The following LRMDA variants were observed in gnomAD, a reference collection of about 807,000 sequenced individuals.
LRMDA encodes leucine-rich melanocyte differentiation-associated protein.
In LRMDA, 18 loss-of-function variants were observed where a neutral mutation model predicts 29.8. That is an observed-to-expected ratio of 0.60 (90% CI 0.42 to 0.90). The LOEUF is 0.90. Among genes scored for constraint, LRMDA ranks in the 40% least tolerant of loss-of-function variants. LRMDA has a pLI of 0.00. For synonymous variants in LRMDA, 125 were observed against 109.4 expected, an observed-to-expected ratio of 1.14 and a Z score of -0.89; for missense variants, 273 against 273.9, an observed-to-expected ratio of 1.00 and a Z score of 0.02.
intron 2 of LRMDA, among the ~76,000 whole-genome samples, chr10:75,659,504 A>G (rs1169129965): frequency 6.6e-6 from 1 of 152,208 alleles, no homozygotes; most frequent in East Asian, 1.9e-4. Flanking sequence ...GACAACACAG[A>G]TGAACCTGGA....
chr10:75,531,069 C>G (rs1458400462), intron 2 of LRMDA, among the ~76,000 whole-genome samples: 1 of 152,182 alleles, frequency 6.6e-6, no homozygotes, highest in Non-Finnish European at 1.5e-5. Flanking sequence ...GCAAGGTCTG[C>G]TCTTTCACTG....
intron 6 of LRMDA, among the ~76,000 whole-genome samples, chr10:76,331,102 C>A (rs1840899322): frequency 6.6e-6 from 1 of 152,206 alleles, no homozygotes; most frequent in Admixed American, 6.5e-5. Flanking sequence ...GAAACCCCAT[C>A]TCTACTAACA....
intron 2 of LRMDA, among the ~76,000 whole-genome samples, chr10:75,892,000 T>A (rs916973035): frequency 3.3e-5 from 5 of 152,064 alleles, no homozygotes; most frequent in Non-Finnish European, 7.4e-5. Context: ...AGTATGTAGG[T>A]GATATTTAAA....
chr10:76,315,238 T>C (rs1258198137), intron 5 of LRMDA, among the ~76,000 whole-genome samples: 1 of 152,340 alleles, frequency 6.6e-6, no homozygotes, highest in East Asian at 1.9e-4. Context: ...CTTCGAAGAT[T>C]AGCTTCAGTG....
At chr10:76,064,280 C>T (rs1848749145) in intron 5 of LRMDA, among the ~76,000 whole-genome samples, 1 of 152,282 alleles carries the variant, frequency 6.6e-6, no homozygotes, top group African/African-American at 2.4e-5. Context: ...CATGACTTGG[C>T]TTTTCCACTG....
intron 6 of LRMDA, among the ~76,000 whole-genome samples, chr10:76,467,420 C>T (rs1842575359): frequency 6.6e-6 from 1 of 152,168 alleles, no homozygotes; most frequent in Admixed American, 6.5e-5. Flanking sequence ...GATTTTAATG[C>T]AGTTGCATTC....
At chr10:75,774,018 G>C (rs1340061174) in intron 2 of LRMDA, among the ~76,000 whole-genome samples, 1 of 152,162 alleles carries the variant, frequency 6.6e-6, no homozygotes, top group African/African-American at 2.4e-5. Context: ...GTACATGGTA[G>C]GTGTTCAGTA....
rs117989577 is a variant in LRMDA at position 76,157,661 on chromosome 10, C to T, written c.516+98878C>T. 5.5e-3 allele frequency among the ~76,000 whole-genome samples: 834 copies of T among 151,590 alleles called. 5 individuals are homozygous for T. The highest frequency in any genetic ancestry group is 8.5e-3 in the Non-Finnish European group (580 of 67,886). On this transcript the variant is annotated intron_variant, in intron 5 of 6. Transcript: ENST00000611255. ...TAAATGAAGGCTTAATGTAGACCTC[C>T]GAGATGGACAGCCTGAGCCTCCAAT...
intron 2 of LRMDA, among the ~76,000 whole-genome samples, chr10:75,590,067 T>A (rs903825886): frequency 6.6e-6 from 1 of 151,640 alleles, no homozygotes; most frequent in Non-Finnish European, 1.5e-5. Context: ...TTGCCCAGGC[T>A]GGAGTGCAGT....
chr10:75,870,553 G>T (rs933397194), intron 2 of LRMDA, among the ~76,000 whole-genome samples: 2 of 152,120 alleles, frequency 1.3e-5, no homozygotes, highest in African/African-American at 2.4e-5. Context: ...GTCCTTTGGA[G>T]CTCTCCCATG....
chr10:75,902,478 C>A (rs531985043), intron 2 of LRMDA, among the ~76,000 whole-genome samples: 1 of 152,148 alleles, frequency 6.6e-6, no homozygotes, highest in South Asian at 2.1e-4. Flanking sequence ...AAAGCAGTAC[C>A]GGACATGCAT....
At position 76,236,650 on chromosome 10, in the gene LRMDA, G is replaced by A. The variant is rs1852157460; in HGVS notation, c.517-87751G>A. On this transcript the variant is annotated intron_variant, in intron 5 of 6. Transcript: ENST00000611255. Reference sequence around the variant, plus strand: ...TTTCCTTCTGTCTCCTCGTTTAGTGGCCTATGACCAAACTTCTTTTTCTGC... The same window carrying A: ...TTTCCTTCTGTCTCCTCGTTTAGTGACCTATGACCAAACTTCTTTTTCTGC... Among the ~76,000 whole-genome samples, 5 of 152,214 alleles carry A rather than the reference G, an allele frequency of 3.3e-5. No homozygotes were observed. In the South Asian group the frequency reaches 8.3e-4, roughly 25 times the overall value.
intron 6 of LRMDA, among the ~76,000 whole-genome samples, chr10:76,354,081 C>A (rs944755978): frequency 6.6e-6 from 1 of 152,136 alleles, no homozygotes; most frequent in Non-Finnish European, 1.5e-5. Context: ...CATCCCAATG[C>A]AAATTAAGGC....
intron 6 of LRMDA, among the ~76,000 whole-genome samples, chr10:76,378,023 A>AC (rs1328438198): frequency 6.6e-6 from 1 of 151,862 alleles, no homozygotes; most frequent in Admixed American, 6.6e-5. Context: ...TGGGCATGGG[A>AC]TGTTTTTTCT....
chr10:75,747,900 A>C (rs1454420038), intron 2 of LRMDA, among the ~76,000 whole-genome samples: 2 of 152,192 alleles, frequency 1.3e-5, no homozygotes, highest in Non-Finnish European at 2.9e-5. Context: ...AAGTAAAACA[A>C]GAATACCATT....
At chr10:75,986,365 G>A (rs894388011) in intron 2 of LRMDA, among the ~76,000 whole-genome samples, 14 of 152,180 alleles carry the variant, frequency 9.2e-5, no homozygotes, top group Admixed American at 5.9e-4. Flanking sequence ...TAGGTGTTTC[G>A]TGGGAAAACA....
At chr10:75,944,247 C>T (rs1469956125) in intron 2 of LRMDA, among the ~76,000 whole-genome samples, 1 of 152,114 alleles carries the variant, frequency 6.6e-6, no homozygotes, top group African/African-American at 2.4e-5. Flanking sequence ...CTCTGGCCTC[C>T]ATTGTTTCTT....
intron 2 of LRMDA, among the ~76,000 whole-genome samples, chr10:75,475,340 T>C (rs1445861810): frequency 6.6e-6 from 1 of 152,180 alleles, no homozygotes; most frequent in South Asian, 2.1e-4. Flanking sequence ...CCATGCCTTA[T>C]GGACGGGGAG....
intron 2 of LRMDA, among the ~76,000 whole-genome samples, chr10:75,522,036 A>G (rs1845367283): frequency 6.6e-6 from 1 of 152,108 alleles, no homozygotes; most frequent in African/African-American, 2.4e-5. Flanking sequence ...TCTGTGTTGC[A>G]TTGTTAACTG....
Sources: gnomAD v4.1 joint callset for allele counts (sites outside exome capture counted in the v4.1 genomes callset) on GRCh38, gnomAD v4.1.1 for gene constraint, MANE v1.5 for transcripts, NCBI Gene and HGNC (gene_info 2026-07-23, HGNC 2026-07-21) for gene names.